PRDX1: variants seen among roughly 807,000 people sequenced by gnomAD.
PRDX1 encodes the protein peroxiredoxin-1.
In PRDX1, 19 loss-of-function variants were observed where a neutral mutation model predicts 20.7. The observed-to-expected ratio is 0.92, with a 90% CI of 0.64 to 1.35. The LOEUF (loss-of-function observed/expected upper bound fraction) is 1.35. Among genes scored for constraint, PRDX1 ranks in the 40% most tolerant of loss-of-function variants. The probability of loss-of-function intolerance (pLI) is 0.00; values close to 1 mark genes in which losing one functional copy is unlikely to be tolerated. For missense variants in PRDX1, 226 were observed against 240.0 expected (o/e 0.94, Z 0.38); for synonymous variants, 89 against 83.9 (o/e 1.06, Z -0.33).
chr1:45,515,121 C>A, intron 3 of PRDX1, 126 bp from the exon 4 acceptor site: 2 of 1,357,162 alleles, frequency 1.5e-6, no homozygotes, highest in Non-Finnish European at 2.0e-6. Context: ...CGTTTTCCAG[C>A]AATAAAGTGA....
intron 2 of PRDX1, among the ~76,000 whole-genome samples, chr1:45,516,021 C>G (rs902213721): frequency 6.6e-6 from 1 of 152,226 alleles, no homozygotes. Context: ...TATTCTCCTG[C>G]CTCCATGTCA....
At chr1:45,517,044 AC>A in intron 2 of PRDX1, among the ~76,000 whole-genome samples, 1 of 151,616 alleles carries the variant, frequency 6.6e-6, no homozygotes, top group African/African-American at 2.4e-5. Flanking sequence ...AAAAAGCCAA[AC>A]AAGCAGCCCT....
At chr1:45,514,433 C>A (rs1359891319) in intron 5 of PRDX1, 74 bp downstream of exon 5, 68 of 1,549,862 alleles carry the variant, frequency 4.4e-5, no homozygotes, top group Non-Finnish European at 5.7e-5. Flanking sequence ...ACGAGAAACA[C>A]CCACAGGTGT....
intron 2 of PRDX1, among the ~76,000 whole-genome samples, chr1:45,517,061 A>C (rs917058366): frequency 5.3e-5 from 8 of 149,902 alleles, no homozygotes; most frequent in African/African-American, 2.0e-4. Flanking sequence ...GCCCTTTTTG[A>C]CATTTACCAC....
chr1:45,511,495 CA>C, intron 5 of PRDX1, 81 bp from the exon 6 acceptor site: 1 of 1,128,740 alleles, frequency 8.9e-7, no homozygotes, highest in South Asian at 1.4e-5. Context: ...ACCAGTTCTG[CA>C]CCTGAACACT....
intron 2 of PRDX1, among the ~76,000 whole-genome samples, chr1:45,517,577 C>T (rs184138512): frequency 2.6e-5 from 4 of 151,994 alleles, no homozygotes; most frequent in African/African-American, 7.2e-5. Flanking sequence ...GTCAGGAGAT[C>T]GAGACCATCC....
intron 5 of PRDX1, among the ~76,000 whole-genome samples, chr1:45,513,927 C>G (rs866858895): frequency 6.6e-6 from 1 of 152,130 alleles, no homozygotes; most frequent in Non-Finnish European, 1.5e-5. Flanking sequence ...CAGCCTGACA[C>G]CCTGTGCTAA....
chr1:45,514,864 A>T lies in PRDX1; in HGVS notation c.383+9T>A, dbSNP rs367866947. The T allele has an allele frequency of 1.4e-5, 23 of 1,613,980 alleles. No individual in the cohort carries two copies. The East Asian group carries it at 4.9e-4, about 34-fold the overall frequency. On this transcript the variant is annotated intron_variant, in intron 4 of 5. Coordinates refer to ENST00000319248, the MANE Select transcript of PRDX1 (RefSeq NM_181697.3). ...TTCAGCCAACTGGATACTTGTCCTG[A>T]TGACATACCTGAACGAGATGCCTTC...
intron 5 of PRDX1, chr1:45,511,650 A>G: frequency 2.7e-6 from 1 of 371,796 alleles, no homozygotes. Flanking sequence ...CTTGAAATTT[A>G]AATTTTCCAC....
At chr1:45,517,460 C>A (rs1024150167) in intron 2 of PRDX1, among the ~76,000 whole-genome samples, 3 of 152,168 alleles carry the variant, frequency 2.0e-5, no homozygotes, top group Non-Finnish European at 4.4e-5. Flanking sequence ...GGAGCCTCAA[C>A]AGAACTTGCC....
At chr1:45,511,729 A>C in intron 5 of PRDX1, 3 of 217,414 alleles carry the variant, frequency 1.4e-5, no homozygotes, top group Non-Finnish European at 9.1e-6. Flanking sequence ...AAGCTAAATA[A>C]ACGACACACA....
intron 5 of PRDX1, 101 bp downstream of exon 5, chr1:45,514,406 G>GTC: frequency 7.1e-7 from 1 of 1,413,584 alleles, no homozygotes; most frequent in Non-Finnish European, 9.8e-7. Flanking sequence ...CTTTTTCCAA[G>GTC]TCTCTCATTC....
chr1:45,518,770 C>A (rs1643882361), intron 2 of PRDX1, among the ~76,000 whole-genome samples, 168 bp downstream of exon 2: 2 of 152,096 alleles, frequency 1.3e-5, no homozygotes, highest in African/African-American at 4.8e-5. Context: ...GGATATATAC[C>A]CTGTAATCAC....
At chr1:45,514,378 T>C (rs1295718931) in intron 5 of PRDX1, 129 bp downstream of exon 5, 2 of 1,211,804 alleles carry the variant, frequency 1.7e-6, no homozygotes, top group Non-Finnish European at 2.3e-6. Flanking sequence ...TTTCTTTCTC[T>C]ATACTTTGTC....
chr1:45,514,746 G>C, intron 4 of PRDX1, 109 bp from the exon 5 acceptor site: 4 of 1,566,742 alleles, frequency 2.6e-6, no homozygotes, highest in Non-Finnish European at 2.6e-6. Context: ...ACTCCTACTG[G>C]CCTGGCCTTA....
chr1:45,515,645 G>C lies in PRDX1; in HGVS notation c.260+9C>G. 1 of 1,417,962 alleles carries C rather than the reference G, an allele frequency of 7.1e-7. No homozygotes were observed. Among genetic ancestry groups the C allele is most frequent in the East Asian group, 2.7e-5 (1 of 36,642 alleles). 87.8% of individuals were successfully genotyped at this position (1,417,962 alleles called of 1,614,324 possible). ...AAAGTTCACATGCCAAATAGACCAA[G>C]AGATTTACCATGCTAGATGACAGAA... On this transcript the variant is annotated intron_variant, in intron 3 of 5. Transcript: ENST00000319248.
chr1:45,519,581 T>A (rs547801164), intron 1 of PRDX1, among the ~76,000 whole-genome samples: 1 of 152,274 alleles, frequency 6.6e-6, no homozygotes, highest in East Asian at 1.9e-4. Flanking sequence ...TAATTCAACT[T>A]GTTTTATTTG....
At chr1:45,514,444 G>A in intron 5 of PRDX1, 63 bp downstream of exon 5, 2 of 1,589,954 alleles carry the variant, frequency 1.3e-6, no homozygotes, top group Non-Finnish European at 1.7e-6. Flanking sequence ...CCACAGGTGT[G>A]AAGGGGCAAC....
intron 5 of PRDX1, chr1:45,511,741 A>G: frequency 5.0e-6 from 1 of 198,384 alleles, no homozygotes. Flanking sequence ...CGACACACAT[A>G]GGACTATGTA....
Sources: allele counts gnomAD v4.1 joint callset (sites outside exome capture counted in the v4.1 genomes callset), GRCh38; gene constraint gnomAD v4.1.1; transcripts MANE v1.5; gene names NCBI Gene and HGNC (gene_info 2026-07-23, HGNC 2026-07-21).